CSMD1: variants seen among roughly 807,000 people sequenced by gnomAD.
CSMD1 encodes CUB and sushi domain-containing protein 1.
CSMD1 carries 213 observed loss-of-function variants against 417.5 expected under a neutral mutation model. The ratio of observed to expected loss-of-function variants is 0.51; its 90% CI spans 0.46 to 0.57. The LOEUF is 0.57. Among genes scored for constraint, CSMD1 ranks in the 20% least tolerant of loss-of-function variants. The pLI is 0.00. For missense variants in CSMD1, 6,923 were observed against 4,529.7 expected, an observed-to-expected ratio of 1.53 and a Z score of -15.17; for synonymous variants, 2,862 against 1,736.8, an observed-to-expected ratio of 1.65 and a Z score of -16.11.
chr8:3,146,064 C>G (rs1380767), intron 40 of CSMD1, among the ~76,000 whole-genome samples: 51,157 of 152,066 alleles, frequency 0.34, 10,808 homozygotes, highest in Non-Finnish European at 0.48. Flanking sequence ...GTGTTAATAC[C>G]TATGGAATTT....
chr8:4,548,423 A>G (rs969972682), intron 2 of CSMD1, among the ~76,000 whole-genome samples: 3 of 152,182 alleles, frequency 2.0e-5, no homozygotes, highest in Non-Finnish European at 4.4e-5. Flanking sequence ...TTGTTATGCT[A>G]TAACATTCCT....
chr8:3,450,664 G>A (rs985220568), intron 12 of CSMD1, among the ~76,000 whole-genome samples: 9 of 151,896 alleles, frequency 5.9e-5, no homozygotes, highest in East Asian at 1.9e-4. Flanking sequence ...TCATGGCTGC[G>A]TAGTATTCCA....
intron 1 of CSMD1, among the ~76,000 whole-genome samples, chr8:4,691,161 G>C (rs1282438383): frequency 1.3e-5 from 2 of 152,218 alleles, no homozygotes; most frequent in Non-Finnish European, 2.9e-5. Context: ...AGGAAGTGAA[G>C]GAATCAAAGA....
intron 5 of CSMD1, among the ~76,000 whole-genome samples, chr8:3,949,207 C>G (rs183054569): frequency 2.0e-5 from 3 of 152,212 alleles, no homozygotes; most frequent in Middle Eastern, 3.4e-3. Flanking sequence ...TTTATAGTGA[C>G]AACCCTTAAA....
chr8:4,155,436 C>A (rs1405339487), intron 3 of CSMD1, among the ~76,000 whole-genome samples: 2 of 152,142 alleles, frequency 1.3e-5, no homozygotes, highest in Admixed American at 1.3e-4. Context: ...TTGGCAGGAA[C>A]CTTGTTTGGG....
chr8:3,453,732 C>T (rs957397108), intron 12 of CSMD1, among the ~76,000 whole-genome samples: 4 of 152,032 alleles, frequency 2.6e-5, no homozygotes, highest in Non-Finnish European at 5.9e-5. Flanking sequence ...TTACTTACAA[C>T]TATGTGGTCA....
intron 1 of CSMD1, among the ~76,000 whole-genome samples, chr8:4,950,115 A>AATT (rs59900109): frequency 3.9e-5 from 6 of 151,906 alleles, no homozygotes; most frequent in Non-Finnish European, 8.8e-5. Flanking sequence ...AATGTTTCAT[A>AATT]TGATAAGATT....
chr8:3,993,084 G>C (rs1020377345), intron 5 of CSMD1, among the ~76,000 whole-genome samples: 2 of 152,226 alleles, frequency 1.3e-5, no homozygotes, highest in Non-Finnish European at 2.9e-5. Flanking sequence ...AAATCAAACA[G>C]AGTCTGAAAA....
intron 6 of CSMD1, among the ~76,000 whole-genome samples, chr8:3,733,361 T>A (rs187809321): frequency 6.8e-6 from 1 of 147,842 alleles, no homozygotes; most frequent in Non-Finnish European, 1.5e-5. Context: ...ATATATATAA[T>A]ATATATATAA....
intron 52 of CSMD1, 135 bp downstream of exon 52, chr8:3,018,342 C>A: frequency 2.7e-6 from 2 of 737,664 alleles, no homozygotes; most frequent in Non-Finnish European, 2.2e-6. Context: ...GAAAAAATCA[C>A]ACTGGGAGGT....
At chr8:3,201,036 G>A (rs1024938330) in intron 32 of CSMD1, among the ~76,000 whole-genome samples, 1 of 152,140 alleles carries the variant, frequency 6.6e-6, no homozygotes, top group Non-Finnish European at 1.5e-5. Context: ...AGGGCATTGG[G>A]TGCATACCGT....
rs1199809832 is a variant in CSMD1, at chr8:3,998,210, TC to T, written c.611-101del. 3 of 1,050,486 alleles carry T rather than the reference TC, an allele frequency of 2.9e-6. No homozygotes were observed. The East Asian group carries it at 7.9e-5, about 28-fold the overall frequency. The allele number at this position is 1,050,486 out of a possible 1,614,324, so 65.1% of individuals were successfully genotyped here. A position where few individuals can be genotyped will look rare whatever the true frequency, so the allele number is the denominator to read the frequency against. The stretch of plus-strand genomic sequence containing the variant: ...CACTCTTGATCAGCGACAAATATTT[TC>T]TGAACCCAAAATTGAGACACTCAAT... On this transcript the variant is annotated intron_variant, in intron 4 of 69. Coordinates refer to ENST00000635120, the MANE Select transcript of CSMD1 (RefSeq NM_033225.6).
At chr8:4,764,086 C>T (rs1478126469) in intron 1 of CSMD1, among the ~76,000 whole-genome samples, 1 of 152,182 alleles carries the variant, frequency 6.6e-6, no homozygotes, top group Non-Finnish European at 1.5e-5. Context: ...ATCATCTATG[C>T]AATCTCCACC....
intron 2 of CSMD1, among the ~76,000 whole-genome samples, chr8:4,437,322 A>G (rs984892911): frequency 6.6e-6 from 1 of 152,176 alleles, no homozygotes; most frequent in Admixed American, 6.5e-5. Flanking sequence ...AAAAAAAATA[A>G]GCTTGTTTTA....
At chr8:3,415,942 TTTGGC>T (rs560540486) in intron 12 of CSMD1, among the ~76,000 whole-genome samples, 1,887 of 152,276 alleles carry the variant, frequency 0.012, 18 homozygotes, top group Non-Finnish European at 0.02. Context: ...ATATTTAATT[TTTGGC>T]ACTTACAATG....
chr8:4,623,038 A>G (rs1801871900), intron 2 of CSMD1, among the ~76,000 whole-genome samples: 1 of 152,212 alleles, frequency 6.6e-6, no homozygotes, highest in South Asian at 2.1e-4. Context: ...AAATGTTGTT[A>G]AATATATACC....
intron 1 of CSMD1, among the ~76,000 whole-genome samples, chr8:4,954,542 T>TA (rs1563858448): frequency 6.6e-6 from 1 of 151,804 alleles, no homozygotes; most frequent in Non-Finnish European, 1.5e-5. Flanking sequence ...TTTATTTTTT[T>TA]AAAAAATATG....
At chr8:4,360,112 T>G (rs550681786) in intron 3 of CSMD1, among the ~76,000 whole-genome samples, 8 of 152,312 alleles carry the variant, frequency 5.3e-5, no homozygotes, top group African/African-American at 1.9e-4. Flanking sequence ...TATGTCTGGT[T>G]TCCTCTCTGC....
rs1479828504 is a variant in CSMD1 at position 3,025,153 on chromosome 8, ACT to A, written c.7855+4164_7855+4165del. On this transcript the variant is annotated intron_variant, in intron 51 of 69. Coordinates refer to ENST00000635120, the MANE Select transcript of CSMD1 (RefSeq NM_033225.6). ...GTGTATTGTGTGGTGTTATTCTGAA[ACT>A]GTGTATTGTGTGGTGTTATTCTGAT... Among the ~76,000 whole-genome samples the A allele has an allele frequency of 1.4e-3, 205 of 150,482 alleles. 3 individuals are homozygous for A. Among genetic ancestry groups the A allele is most frequent in the East Asian group, 4.6e-3 (24 of 5,164 alleles).
Sources: gnomAD v4.1 joint callset for allele counts (sites outside exome capture counted in the v4.1 genomes callset) on GRCh38, gnomAD v4.1.1 for gene constraint, MANE v1.5 for transcripts, NCBI Gene and HGNC (gene_info 2026-07-23, HGNC 2026-07-21) for gene names.